PACS1: variants seen among roughly 807,000 people sequenced by gnomAD.
PACS1 encodes PACS-1.
PACS1 carries 24 observed loss-of-function variants against 115.0 expected under a neutral mutation model. That is an observed-to-expected ratio of 0.21 (90% CI 0.15 to 0.29). The LOEUF (loss-of-function observed/expected upper bound fraction) is 0.29, where lower values mean the gene tolerates loss of function less well. Ranked by LOEUF, PACS1 falls within the 10% of genes least tolerant of loss-of-function variation. The pLI is 1.00. For missense variants in PACS1, 838 were observed against 1,251.2 expected (o/e 0.67, Z 4.98); for synonymous variants, 453 against 504.5 (o/e 0.90, Z 1.37).
At position 66,115,202 on chromosome 11, in the gene PACS1, C is replaced by G. The variant is rs897783835; in HGVS notation, c.356+44360C>G. On this transcript the variant is annotated intron_variant, in intron 1 of 23. Transcript: ENST00000320580. ...CCAGCCCAGGTAATAGAGCGAGACC[C>G]TATCTCAAAAAAAAAAAAAAAAAAA... Among the ~76,000 whole-genome samples, 45 of 130,660 alleles carry G rather than the reference C, an allele frequency of 3.4e-4. 2 individuals carry two copies. The highest frequency in any genetic ancestry group is 1.3e-3 in the African/African-American group (43 of 32,686). 85.7% of individuals were successfully genotyped at this position (130,660 alleles called of 152,430 possible).
chr11:66,191,688 A>G (rs1305360783), intron 1 of PACS1, among the ~76,000 whole-genome samples: 1 of 152,206 alleles, frequency 6.6e-6, no homozygotes, highest in African/African-American at 2.4e-5. Flanking sequence ...GCAAAGAAAG[A>G]GATTTATTTG....
At chr11:66,190,247 T>C (rs781607042) in intron 1 of PACS1, among the ~76,000 whole-genome samples, 1 of 152,208 alleles carries the variant, frequency 6.6e-6, no homozygotes, top group Non-Finnish European at 1.5e-5. Context: ...GAGATTTGTT[T>C]CTATTTTATT....
chr11:66,092,034 C>T (rs1292608913), intron 1 of PACS1, among the ~76,000 whole-genome samples: 2 of 152,060 alleles, frequency 1.3e-5, no homozygotes, highest in Non-Finnish European at 2.9e-5. Context: ...TGGGTGTATA[C>T]CCAGTAATGG....
intron 1 of PACS1, among the ~76,000 whole-genome samples, chr11:66,157,230 A>T (rs1859382930): frequency 6.6e-6 from 1 of 152,222 alleles, no homozygotes; most frequent in African/African-American, 2.4e-5. Flanking sequence ...ATTTTCTTTT[A>T]AAAAAGTTAC....
intron 7 of PACS1, among the ~76,000 whole-genome samples, chr11:66,219,196 G>A (rs1008565443): frequency 2.0e-5 from 3 of 151,984 alleles, no homozygotes; most frequent in African/African-American, 7.2e-5. Flanking sequence ...AAGGAGAAAG[G>A]CCTGACTGGA....
chr11:66,207,700 G>T (rs1374200026), intron 2 of PACS1, among the ~76,000 whole-genome samples: 1 of 152,042 alleles, frequency 6.6e-6, no homozygotes, highest in Non-Finnish European at 1.5e-5. Flanking sequence ...TTTTATTTTT[G>T]CTGTTTTTTG....
chr11:66,081,598 G>A (rs1857480767), intron 1 of PACS1, among the ~76,000 whole-genome samples: 1 of 152,254 alleles, frequency 6.6e-6, no homozygotes, highest in South Asian at 2.1e-4. Flanking sequence ...AAATATTTTG[G>A]TTCTCTGAAG....
At chr11:66,105,388 A>G (rs1858014130) in intron 1 of PACS1, among the ~76,000 whole-genome samples, 1 of 152,184 alleles carries the variant, frequency 6.6e-6, no homozygotes, top group African/African-American at 2.4e-5. Context: ...GCGCCATTGC[A>G]CTCCATCCTG....
intron 1 of PACS1, chr11:66,084,308 G>A (rs1003696770): frequency 6.6e-6 from 1 of 152,376 alleles, no homozygotes; most frequent in Non-Finnish European, 1.5e-5. Flanking sequence ...AGAGCATCCA[G>A]GAGGCCAGTT....
intron 1 of PACS1, among the ~76,000 whole-genome samples, chr11:66,122,851 G>A (rs1355307893): frequency 6.6e-6 from 1 of 152,182 alleles, no homozygotes; most frequent in Non-Finnish European, 1.5e-5. Context: ...TGTGAACACT[G>A]TTGAAATGAT....
intron 17 of PACS1, 140 bp downstream of exon 17, chr11:66,234,382 A>G (rs1009400494): frequency 1.3e-5 from 9 of 678,320 alleles, no homozygotes; most frequent in South Asian, 4.8e-5. Flanking sequence ...TCATTTTTCC[A>G]TAAGTGTTTA....
chr11:66,122,127 T>C (rs988306886), intron 1 of PACS1, among the ~76,000 whole-genome samples: 4 of 152,236 alleles, frequency 2.6e-5, no homozygotes, highest in Admixed American at 1.3e-4. Context: ...CCAATGCTCA[T>C]TGACTATTCT....
At chr11:66,097,724 G>T (rs996757187) in intron 1 of PACS1, among the ~76,000 whole-genome samples, 1 of 152,186 alleles carries the variant, frequency 6.6e-6, no homozygotes. Flanking sequence ...TATCTCCACC[G>T]ACATTTAGTG....
intron 1 of PACS1, among the ~76,000 whole-genome samples, chr11:66,147,136 G>T (rs1859144264): frequency 6.6e-6 from 1 of 152,134 alleles, no homozygotes; most frequent in Non-Finnish European, 1.5e-5. Context: ...GTTTTTTATT[G>T]TAACAGTATG....
chr11:66,211,341 C>A, intron 4 of PACS1, 82 bp downstream of exon 4: 7 of 1,463,944 alleles, frequency 4.8e-6, no homozygotes, highest in Non-Finnish European at 6.5e-6. Context: ...GTTGAGCCTT[C>A]CAGATGATTT....
At chr11:66,142,387 C>T (rs962526341) in intron 1 of PACS1, among the ~76,000 whole-genome samples, 1 of 152,018 alleles carries the variant, frequency 6.6e-6, no homozygotes, top group Non-Finnish European at 1.5e-5. Context: ...GCCGCAATCT[C>T]GGCTCACTGC....
chr11:66,142,533 C>A (rs1202331687), intron 1 of PACS1, among the ~76,000 whole-genome samples: 2 of 151,090 alleles, frequency 1.3e-5, no homozygotes, highest in South Asian at 4.2e-4. Flanking sequence ...GTCTTGAACT[C>A]CTGAGCTCAG....
At position 66,232,266 on chromosome 11, in the gene PACS1, G is replaced by A. The variant is rs1855611947; in HGVS notation, c.1721G>A (p.Trp574Ter). ...ENVILVNTTDWQGQYVAELLQ... is the reference protein window; with the variant it reads ...ENVILVNTTD ...GTCATTCTGGTGAACACCACTGACTGGCAGGGCCAGGTAAGTGCTGAAACT... is the reference window on the plus strand; with the variant it reads ...GTCATTCTGGTGAACACCACTGACTAGCAGGGCCAGGTAAGTGCTGAAACT... Residue 574 changes from tryptophan (W) to a stop codon, truncating the protein, a stop_gained, in exon 14 of 24, where the codon TGG becomes TAG. Coordinates refer to ENST00000320580, the MANE Select transcript of PACS1 (RefSeq NM_018026.4). LOFTEE classifies it high-confidence loss of function. The A allele has an allele frequency of 6.2e-7, 1 of 1,603,930 alleles. No homozygotes were observed. Among genetic ancestry groups the A allele is most frequent in the African/African-American group, 1.3e-5 (1 of 74,704 alleles).
rs1855663880 is a variant in PACS1 at position 66,234,329 on chromosome 11, C to T, written c.2104+87C>T. Reference sequence around the variant, plus strand: ...GCAGAAGGAGGCTGAGGTCATGCTGCTTTCCTCCCTGCAGCTCTCACCTTC... The same window carrying T: ...GCAGAAGGAGGCTGAGGTCATGCTGTTTTCCTCCCTGCAGCTCTCACCTTC... On this transcript the variant is annotated intron_variant, in intron 17 of 23. Coordinates refer to ENST00000320580, the MANE Select transcript of PACS1 (RefSeq NM_018026.4). 3.5e-6 allele frequency: 3 copies of T among 849,734 alleles called. No homozygotes were observed. The African/African-American group carries it at 5.0e-5, about 14-fold the overall frequency. The allele number at this position is 849,734 out of a possible 1,614,324, so 52.6% of individuals were successfully genotyped here.
Sources: gnomAD v4.1 joint callset for allele counts (sites outside exome capture counted in the v4.1 genomes callset) on GRCh38, gnomAD v4.1.1 for gene constraint, MANE v1.5 for transcripts, NCBI Gene and HGNC (gene_info 2026-07-23, HGNC 2026-07-21) for gene names.